USP12: variants seen among roughly 807,000 people sequenced by gnomAD.
The protein encoded by USP12 is ubiquitin specific peptidase 12, also known as ubiquitin carboxyl-terminal hydrolase 12.
USP12 carries 19 observed loss-of-function variants against 45.5 expected under a neutral mutation model. The observed-to-expected ratio is 0.42, with a 90% CI of 0.29 to 0.61. The LOEUF (loss-of-function observed/expected upper bound fraction) is 0.61. Among genes scored for constraint, USP12 ranks in the 20% least tolerant of loss-of-function variants. The probability of loss-of-function intolerance (pLI) is 0.22; values close to 1 mark genes in which losing one functional copy is unlikely to be tolerated. For synonymous variants in USP12, 149 were observed against 148.8 expected (o/e 1.00, Z -0.01); for missense variants, 242 against 447.7 (o/e 0.54, Z 4.15).
chr13:27,086,933 T>G (rs9512542), intron 6 of USP12, among the ~76,000 whole-genome samples: 56,324 of 152,038 alleles, frequency 0.37, 11,072 homozygotes, highest in South Asian at 0.62. Flanking sequence ...CAAAAACACT[T>G]TCCTTCCTAG....
rs1408852235 is a variant in USP12 at position 27,086,278 on chromosome 13, T to G, written c.734+3605A>C. ...ATATACATATACATACACATATATA[T>G]AATTACACACACACACACACACACA... On this transcript the variant is annotated intron_variant, in intron 6 of 8. Coordinates refer to ENST00000282344, the MANE Select transcript of USP12 (RefSeq NM_182488.4). Among the ~76,000 whole-genome samples, 5 of 25,094 alleles carry G rather than the reference T, an allele frequency of 2.0e-4. No homozygotes were observed. In the Admixed American group the frequency reaches 3.7e-3, roughly 18 times the overall value. 16.5% of individuals were successfully genotyped at this position (25,094 alleles called of 152,430 possible).
intron 2 of USP12, among the ~76,000 whole-genome samples, chr13:27,114,458 TC>T (rs1406282326): frequency 6.6e-6 from 1 of 152,148 alleles, no homozygotes; most frequent in Non-Finnish European, 1.5e-5. Flanking sequence ...AAGGCTCCTT[TC>T]CCCATCCAAA....
At chr13:27,141,142 A>G (rs1566001237) in intron 1 of USP12, among the ~76,000 whole-genome samples, 2 of 151,042 alleles carry the variant, frequency 1.3e-5, no homozygotes, top group Admixed American at 6.6e-5. Context: ...CAGCCTCCCG[A>G]GTAGCTGGGA....
At chr13:27,104,629 G>A (rs1189980533) in intron 3 of USP12, among the ~76,000 whole-genome samples, 2 of 152,062 alleles carry the variant, frequency 1.3e-5, no homozygotes, top group African/African-American at 2.4e-5. Flanking sequence ...GTGTATGTGG[G>A]GAAAATGAAC....
intron 1 of USP12, among the ~76,000 whole-genome samples, chr13:27,121,054 G>A (rs1241902447): frequency 6.6e-6 from 1 of 152,036 alleles, no homozygotes; most frequent in Non-Finnish European, 1.5e-5. Flanking sequence ...AAAACTTAGG[G>A]TCCACTCAAG....
chr13:27,131,810 G>A (rs1876515565), intron 1 of USP12, among the ~76,000 whole-genome samples: 1 of 152,182 alleles, frequency 6.6e-6, no homozygotes, highest in African/African-American at 2.4e-5. Flanking sequence ...TTTCCCTGGA[G>A]ACAATACCCA....
intron 6 of USP12, among the ~76,000 whole-genome samples, chr13:27,086,192 AAAAAAATAT>A (rs1439844553): frequency 3.7e-5 from 3 of 81,166 alleles, no homozygotes; most frequent in African/African-American, 1.3e-4. Context: ...AAAAAAAAAA[AAAAAAATAT>A]ATATATATAT....
intron 1 of USP12, among the ~76,000 whole-genome samples, chr13:27,120,970 G>C (rs1222253460): frequency 6.6e-6 from 1 of 152,164 alleles, no homozygotes; most frequent in Admixed American, 6.5e-5. Flanking sequence ...CCCACTGCTG[G>C]TATTTCCTGA....
intron 1 of USP12, among the ~76,000 whole-genome samples, chr13:27,128,441 A>G (rs1876342983): frequency 1.3e-5 from 2 of 152,198 alleles, no homozygotes; most frequent in Non-Finnish European, 1.5e-5. Context: ...AATACAAAAA[A>G]CTTTCAAAAA....
At chr13:27,152,204 A>G (rs1877599000) in intron 1 of USP12, among the ~76,000 whole-genome samples, 1 of 152,252 alleles carries the variant, frequency 6.6e-6, no homozygotes, top group Non-Finnish European at 1.5e-5. Flanking sequence ...AGTATTATTC[A>G]TAATACCCAT....
chr13:27,102,240 G>C (rs968784417), intron 3 of USP12, among the ~76,000 whole-genome samples: 2 of 152,106 alleles, frequency 1.3e-5, no homozygotes, highest in African/African-American at 4.8e-5. Flanking sequence ...AACACAATCA[G>C]ATCACCATCC....
chr13:27,076,654 T>C (rs1873500586), intron 6 of USP12, among the ~76,000 whole-genome samples: 2 of 152,180 alleles, frequency 1.3e-5, no homozygotes, highest in Non-Finnish European at 2.9e-5. Context: ...TGCCAAATGC[T>C]GCAGAACTGA....
At chr13:27,130,794 G>C (rs1876465859) in intron 1 of USP12, among the ~76,000 whole-genome samples, 1 of 152,154 alleles carries the variant, frequency 6.6e-6, no homozygotes, top group Non-Finnish European at 1.5e-5. Context: ...TCCTGGATGA[G>C]AACCATTTCT....
At chr13:27,088,416 CAA>C (rs11323861) in intron 6 of USP12, among the ~76,000 whole-genome samples, 944 of 93,576 alleles carry the variant, frequency 0.01, 8 homozygotes, top group African/African-American at 0.038. Context: ...GACTCCGTCT[CAA>C]AAAAAAAAAA....
intron 1 of USP12, among the ~76,000 whole-genome samples, chr13:27,120,049 CAG>C: frequency 6.6e-6 from 1 of 152,324 alleles, no homozygotes; most frequent in Admixed American, 6.5e-5. Context: ...TTAAATTTAA[CAG>C]TGTTTTCAAC....
chr13:27,133,233 C>T (rs1876595536), intron 1 of USP12, among the ~76,000 whole-genome samples: 1 of 151,654 alleles, frequency 6.6e-6, no homozygotes, highest in African/African-American at 2.4e-5. Context: ...ACACCACACT[C>T]ACCACACTCA....
chr13:27,153,789 T>G (rs1304280466), intron 1 of USP12, among the ~76,000 whole-genome samples: 1 of 152,216 alleles, frequency 6.6e-6, no homozygotes, highest in East Asian at 1.9e-4. Flanking sequence ...TACTGGGTAT[T>G]CTTTCCTGTC....
chr13:27,142,763 T>C (rs1877123068), intron 1 of USP12, among the ~76,000 whole-genome samples: 1 of 152,244 alleles, frequency 6.6e-6, no homozygotes, highest in South Asian at 2.1e-4. Flanking sequence ...CAAAAAACTG[T>C]AACACTGAAT....
intron 3 of USP12, among the ~76,000 whole-genome samples, chr13:27,104,330 C>T (rs1262345768): frequency 6.6e-6 from 1 of 152,196 alleles, no homozygotes; most frequent in East Asian, 1.9e-4. Context: ...CGTGTCCAGT[C>T]ACTGAACATT....
Sources: allele counts gnomAD v4.1 joint callset (sites outside exome capture counted in the v4.1 genomes callset), GRCh38; gene constraint gnomAD v4.1.1; transcripts MANE v1.5; gene names NCBI Gene and HGNC (gene_info 2026-07-23, HGNC 2026-07-21).